EIF5B: variants seen among roughly 807,000 people sequenced by gnomAD.
EIF5B encodes eukaryotic translation initiation factor 5B.
A neutral mutation model predicts 147.5 loss-of-function variants in EIF5B; 47 were observed. The ratio of observed to expected loss-of-function variants is 0.32; its 90% confidence interval spans 0.25 to 0.41. The LOEUF (loss-of-function observed/expected upper bound fraction) is 0.41, where lower values mean the gene tolerates loss of function less well. Among genes scored for constraint, EIF5B ranks in the 10% least tolerant of loss-of-function variants. The probability of loss-of-function intolerance (pLI) is 1.00; values close to 1 mark genes in which losing one functional copy is unlikely to be tolerated. For missense variants in EIF5B, 1,064 were observed against 1,413.2 expected (o/e 0.75, Z 3.96); for synonymous variants, 455 against 456.2 (o/e 1.00, Z 0.03).
Position 99,391,389 on chromosome 2 carries a change from G to A in EIF5B, c.2748+684G>A, listed in dbSNP as rs80309978. 5.6e-4 allele frequency among the ~76,000 whole-genome samples: 85 copies of A among 152,282 alleles called. 1 individual carries two copies. The highest frequency in any genetic ancestry group is 1.9e-3 in the African/African-American group (81 of 41,558). ...AGCCCATTTTGTTCAAGGGTCAGCT[G>A]TAGTTTTTTAACATTTTTAATTGTG... is the stretch of plus-strand genomic sequence containing the variant. On this transcript the variant is annotated intron_variant, in intron 17 of 23. Transcript: ENST00000289371.
intron 1 of EIF5B, among the ~76,000 whole-genome samples, chr2:99,348,631 T>C (rs533193496): frequency 6.6e-4 from 100 of 152,336 alleles, no homozygotes; most frequent in African/African-American, 2.2e-3. Context: ...TTCCCTCTTA[T>C]GCTCTTCTTG....
chr2:99,345,946 A>G (rs1007077362), intron 1 of EIF5B, among the ~76,000 whole-genome samples: 1 of 149,370 alleles, frequency 6.7e-6, no homozygotes, highest in African/African-American at 2.4e-5. Flanking sequence ...CCTGTCTCAA[A>G]AAAAAAAAAA....
At position 99,361,252 on chromosome 2, in the gene EIF5B, A is replaced by G; in HGVS notation, c.351A>G (p.Glu117=). 6.2e-7 allele frequency: 1 copy of G among 1,613,044 alleles called. No individual in the cohort carries two copies. The highest frequency in any genetic ancestry group is 8.5e-7 in the Non-Finnish European group (1 of 1,179,770). Residue 117 remains glutamate, a synonymous_variant, in exon 4 of 24, where the codon GAA becomes GAG. Transcript: ENST00000289371. ...ATGATAATGATAGCGAAGAATTGGA[A>G]GATAAAGATTCAAAATCAAAAAAGA... ...SFDDNDSEEL[E]DKDSKSKKTA...
Position 99,394,784 on chromosome 2 carries a change from T to C in EIF5B, c.3155T>C (p.Leu1052Ser). 1 of 1,613,528 alleles carries C rather than the reference T, an allele frequency of 6.2e-7. No homozygotes were observed. The highest frequency in any genetic ancestry group is 8.5e-7 in the Non-Finnish European group (1 of 1,179,896). Residue 1052 changes from leucine (L) to serine (S), a missense_variant, in exon 21 of 24, where the codon TTA becomes TCA. Physicochemically the swap from Leu to Ser is moderately radical, Grantham distance 145 (BLOSUM62 -2). This residue lies in a region of EIF5B where 380 missense variants were observed against 715.6 expected (regional missense o/e 0.53). Transcript: ENST00000289371. Reference sequence around the variant, plus strand: ...GATGCACAAGAAATGGCTGATAGTTTAGGAGTTAGAATTTTTAGTGCAGAA... The same window carrying C: ...GATGCACAAGAAATGGCTGATAGTTCAGGAGTTAGAATTTTTAGTGCAGAA... The part of the protein sequence containing the change: ...ERDAQEMADS[L>S]GVRIFSAEII...
chr2:99,399,423 C>T lies in EIF5B; in HGVS notation c.*9C>T, dbSNP rs1574945614. 1 of 1,611,982 alleles carries T rather than the reference C, an allele frequency of 6.2e-7. No homozygotes were observed. Among genetic ancestry groups the T allele is most frequent in the Middle Eastern group, 1.7e-4 (1 of 6,058 alleles). On this transcript the variant is annotated 3_prime_UTR_variant, in exon 24 of 24. Coordinates refer to ENST00000289371, the MANE Select transcript of EIF5B (RefSeq NM_015904.4). ...TATTTGAAATCATCTAATTTTTTCA[C>T]ATGGAGCAGGAACTGGAGTAAATGC...
At position 99,394,632 on chromosome 2, in the gene EIF5B, C is replaced by G; in HGVS notation, c.3089+47C>G. 3 of 1,612,630 alleles carry G rather than the reference C, an allele frequency of 1.9e-6. No individual in the cohort carries two copies. In the South Asian group the frequency reaches 3.3e-5, roughly 18 times the overall value. On this transcript the variant is annotated intron_variant, in intron 20 of 23. Coordinates refer to ENST00000289371, the MANE Select transcript of EIF5B (RefSeq NM_015904.4). ...GAAGGCTTTCATGTTACGTAGCTAT[C>G]TTAAAACTGTCCTATCTTAAAAAAC...
chr2:99,374,054 C>T (rs1204146600), intron 9 of EIF5B, among the ~76,000 whole-genome samples: 1 of 152,072 alleles, frequency 6.6e-6, no homozygotes, highest in African/African-American at 2.4e-5. Flanking sequence ...TCTGGGAGGC[C>T]GAGGTGGGCG....
chr2:99,356,623 G>A (rs1175022247), intron 1 of EIF5B, among the ~76,000 whole-genome samples: 1 of 152,104 alleles, frequency 6.6e-6, no homozygotes, highest in Non-Finnish European at 1.5e-5. Flanking sequence ...CATTGTGTGT[G>A]TGTGTTTTCG....
intron 1 of EIF5B, among the ~76,000 whole-genome samples, chr2:99,342,526 G>A (rs2105333844): frequency 6.6e-6 from 1 of 152,010 alleles, no homozygotes; most frequent in South Asian, 2.1e-4. Flanking sequence ...TTAGGATTTG[G>A]CTTTTTCCCA....
chr2:99,371,294 C>T (rs1457881408), intron 8 of EIF5B, among the ~76,000 whole-genome samples: 1 of 152,032 alleles, frequency 6.6e-6, no homozygotes, highest in Non-Finnish European at 1.5e-5. Flanking sequence ...CGAGACAATC[C>T]TGGCTAACAC....
chr2:99,398,532 T>G (rs1017020850), intron 22 of EIF5B: 10 of 439,816 alleles, frequency 2.3e-5, no homozygotes, highest in African/African-American at 6.1e-5. Context: ...AAGCACATTA[T>G]CTCCTGTCAT....
chr2:99,361,226 G>C lies in EIF5B; in HGVS notation c.325G>C (p.Asp109His). 1 of 1,607,960 alleles carries C rather than the reference G, an allele frequency of 6.2e-7. No homozygotes were observed. Among genetic ancestry groups the C allele is most frequent in the South Asian group, 1.1e-5 (1 of 88,886 alleles). The change falls in exon 4 of 24, where the codon GAT becomes CAT. Residue 109 changes from aspartate to histidine, a missense_variant. Asp to His is a moderately conservative substitution (Grantham distance 81). This residue lies in a region of EIF5B where 458 missense variants were observed against 451.3 expected (regional missense o/e 1.01). Transcript: ENST00000289371. Reference protein sequence around the residue: ...KGQKGKKQSFDDNDSEELEDK... With the variant: ...KGQKGKKQSFHDNDSEELEDK... ...ACAGAAGGGCAAAAAACAGAGTTTT[G>C]ATGATAATGATAGCGAAGAATTGGA...
chr2:99,359,120 T>C (rs1459585954), intron 1 of EIF5B, among the ~76,000 whole-genome samples: 2 of 151,790 alleles, frequency 1.3e-5, no homozygotes, highest in Non-Finnish European at 2.9e-5. Flanking sequence ...CCCAGCACTT[T>C]GGGAGGCCGA....
chr2:99,383,533 C>T (rs1674735102), intron 14 of EIF5B, among the ~76,000 whole-genome samples: 1 of 152,196 alleles, frequency 6.6e-6, no homozygotes, highest in African/African-American at 2.4e-5. Context: ...TAATCTAAAG[C>T]AAGGCCCTCT....
rs1393750962 is a variant in EIF5B, at chr2:99,392,993, A to G, written c.2775A>G (p.Val925=). The part of the protein sequence containing the change: ...VKNQYEKHKE[V]EAAQGVKILG... Reference sequence around the variant, plus strand: ...ACCAGTATGAAAAGCATAAAGAAGTAGAAGCAGCTCAGGGGGTAAAGATTC... The same window carrying G: ...ACCAGTATGAAAAGCATAAAGAAGTGGAAGCAGCTCAGGGGGTAAAGATTC... Residue 925 remains valine (V), a synonymous_variant, in exon 18 of 24, where the codon GTA becomes GTG. Coordinates refer to ENST00000289371, the MANE Select transcript of EIF5B (RefSeq NM_015904.4). 6.4e-7 allele frequency: 1 copy of G among 1,563,538 alleles called. No individual in the cohort carries two copies. The highest frequency in any genetic ancestry group is 1.9e-5 in the Admixed American group (1 of 52,176).
rs1432358867 is a variant in EIF5B, at chr2:99,400,383, T to C, written c.*969T>C. 3 of 152,216 alleles carry C rather than the reference T, an allele frequency of 2.0e-5. No homozygotes were observed. Among genetic ancestry groups the C allele is most frequent in the Non-Finnish European group, 4.4e-5 (3 of 68,040 alleles). The allele number at this position is 152,216 out of a possible 1,614,324, so 9.4% of individuals were successfully genotyped here. A position where few individuals can be genotyped will look rare whatever the true frequency, so the allele number is the denominator to read the frequency against. The stretch of plus-strand genomic sequence containing the variant: ...TGCAGACACAAAACTTAATGATTCA[T>C]TCGTAGTAGTAATCTGTAGCTAGTT... On this transcript the variant is annotated 3_prime_UTR_variant, in exon 24 of 24. Transcript: ENST00000289371.
At chr2:99,349,531 A>C (rs773852630) in intron 1 of EIF5B, among the ~76,000 whole-genome samples, 19 of 152,246 alleles carry the variant, frequency 1.2e-4, no homozygotes, top group Non-Finnish European at 2.2e-4. Flanking sequence ...TGGTCTCAAG[A>C]TGAAGTATTT....
intron 1 of EIF5B, among the ~76,000 whole-genome samples, chr2:99,353,850 G>C (rs1171113693): frequency 6.6e-6 from 1 of 152,190 alleles, no homozygotes; most frequent in East Asian, 1.9e-4. Context: ...GTTGTTGCAT[G>C]TATCAATGGT....
chr2:99,382,946 A>G, intron 14 of EIF5B, 25 bp downstream of exon 14: 1 of 1,545,216 alleles, frequency 6.5e-7, no homozygotes, highest in Admixed American at 2.2e-5. Flanking sequence ...TGAAAAATTA[A>G]CCTAGGAAAA....
Sources: gnomAD v4.1 joint callset for allele counts (sites outside exome capture counted in the v4.1 genomes callset) on GRCh38, gnomAD v4.1.1 for gene constraint, gnomAD v4.1.1 regional missense constraint, MANE v1.5 for transcripts, NCBI Gene and HGNC (gene_info 2026-07-23, HGNC 2026-07-21) for gene names.